The following NRG3 variants were observed in gnomAD, a reference collection of about 807,000 sequenced individuals.
NRG3 encodes pro-neuregulin-3, membrane-bound isoform.
A neutral mutation model predicts 66.9 loss-of-function variants in NRG3; 31 were observed. The observed-to-expected ratio is 0.46, with a 90% confidence interval of 0.35 to 0.63. The LOEUF (loss-of-function observed/expected upper bound fraction) is 0.63, where lower values mean the gene tolerates loss of function less well. NRG3 is among the 20% of genes least tolerant of loss of function. The pLI, the probability that NRG3 is intolerant of heterozygous loss-of-function variation, is 0.00. For synonymous variants in NRG3, 393 were observed against 359.4 expected (o/e 1.09, Z -1.06); for missense variants, 910 against 878.9 (o/e 1.04, Z -0.45).
intron 2 of NRG3, among the ~76,000 whole-genome samples, chr10:82,454,509 A>G (rs2091181857): frequency 6.6e-6 from 1 of 152,244 alleles, no homozygotes; most frequent in Non-Finnish European, 1.5e-5. Flanking sequence ...CAAAACAAAA[A>G]GCCCGAAGTG....
At chr10:82,819,918 G>T (rs1277109131) in intron 3 of NRG3, among the ~76,000 whole-genome samples, 1 of 152,170 alleles carries the variant, frequency 6.6e-6, no homozygotes, top group Non-Finnish European at 1.5e-5. Context: ...TGGATGTGAA[G>T]CAGAACTTGC....
intron 1 of NRG3, among the ~76,000 whole-genome samples, chr10:81,916,443 A>T (rs570817270): frequency 2.6e-5 from 4 of 152,300 alleles, no homozygotes; most frequent in African/African-American, 9.6e-5. Flanking sequence ...GCTGAGTATG[A>T]GTTTTCATGA....
chr10:82,413,358 T>C (rs562135730), intron 2 of NRG3, among the ~76,000 whole-genome samples: 1 of 152,272 alleles, frequency 6.6e-6, no homozygotes, highest in East Asian at 1.9e-4. Flanking sequence ...AAAAAGAATC[T>C]TTCTTTGTGT....
chr10:82,334,379 A>T (rs1176824548), intron 1 of NRG3, among the ~76,000 whole-genome samples: 1 of 152,176 alleles, frequency 6.6e-6, no homozygotes, highest in Non-Finnish European at 1.5e-5. Flanking sequence ...GGAAACATGT[A>T]AACTGGCATT....
chr10:82,135,149 A>C (rs938171370), intron 1 of NRG3, among the ~76,000 whole-genome samples: 3 of 151,992 alleles, frequency 2.0e-5, no homozygotes, highest in South Asian at 2.1e-4. Context: ...TTCCATATGA[A>C]ATTAAAAATT....
intron 1 of NRG3, among the ~76,000 whole-genome samples, chr10:82,136,001 T>C (rs1047844929): frequency 3.9e-5 from 6 of 152,152 alleles, no homozygotes; most frequent in Admixed American, 3.3e-4. Flanking sequence ...TTTCATGTAT[T>C]CAAATGGAAT....
chr10:82,146,918 A>G (rs548676487), intron 1 of NRG3, among the ~76,000 whole-genome samples: 1 of 152,234 alleles, frequency 6.6e-6, no homozygotes, highest in South Asian at 2.1e-4. Flanking sequence ...AAGTGAGTAG[A>G]CTGTCTGGGT....
chr10:82,293,724 G>A (rs545660118), intron 1 of NRG3, among the ~76,000 whole-genome samples: 1 of 152,096 alleles, frequency 6.6e-6, no homozygotes, highest in South Asian at 2.1e-4. Context: ...TGAGTCTTTA[G>A]AAGCTGCCTT....
At chr10:82,746,951 T>C (rs2058671557) in intron 3 of NRG3, among the ~76,000 whole-genome samples, 1 of 152,150 alleles carries the variant, frequency 6.6e-6, no homozygotes, top group African/African-American at 2.4e-5. Flanking sequence ...GGCATGGCGG[T>C]ATGCACCTGT....
chr10:82,664,316 C>T (rs906568332), intron 2 of NRG3, among the ~76,000 whole-genome samples: 2 of 152,090 alleles, frequency 1.3e-5, no homozygotes, highest in African/African-American at 4.8e-5. Flanking sequence ...CTCTTTAGTA[C>T]TAGCTGATTA....
intron 4 of NRG3, among the ~76,000 whole-genome samples, chr10:82,946,337 G>A (rs1050731819): frequency 6.6e-6 from 1 of 151,734 alleles, no homozygotes; most frequent in Admixed American, 6.6e-5. Context: ...TCAAGAGATC[G>A]AGACTAGCCT....
chr10:82,981,691 T>C (rs757177957), intron 8 of NRG3, among the ~76,000 whole-genome samples: 75 of 152,134 alleles, frequency 4.9e-4, no homozygotes, highest in Non-Finnish European at 9.0e-4. Flanking sequence ...TATTGTAGCC[T>C]GGGGAAGGAG....
At chr10:81,884,566 A>G (rs1842453135) in intron 1 of NRG3, among the ~76,000 whole-genome samples, 2 of 152,232 alleles carry the variant, frequency 1.3e-5, no homozygotes, top group African/African-American at 4.8e-5. Flanking sequence ...AATTAAAAAT[A>G]CAAATAAGAA....
chr10:81,893,447 T>G (rs1387087501), intron 1 of NRG3, among the ~76,000 whole-genome samples: 2 of 142,860 alleles, frequency 1.4e-5, no homozygotes, highest in African/African-American at 2.8e-5. Flanking sequence ...GGAATGGACT[T>G]TTTTTTTGCT....
intron 2 of NRG3, among the ~76,000 whole-genome samples, chr10:82,595,332 G>A (rs923730647): frequency 6.6e-6 from 1 of 152,150 alleles, no homozygotes; most frequent in East Asian, 1.9e-4. Flanking sequence ...ACTACGACAT[G>A]TTTATTAACC....
chr10:82,209,002 G>T (rs1211028933), intron 1 of NRG3, among the ~76,000 whole-genome samples: 1 of 152,062 alleles, frequency 6.6e-6, no homozygotes, highest in African/African-American at 2.4e-5. Context: ...GAGAGCTTGA[G>T]AGAAGATAGG....
intron 2 of NRG3, among the ~76,000 whole-genome samples, chr10:82,538,896 G>T (rs1276853554): frequency 5.3e-5 from 8 of 152,126 alleles, no homozygotes; most frequent in East Asian, 1.9e-4. Context: ...TTGAAGTTTG[G>T]AGGGCAGCAG....
At chr10:82,953,385 C>G (rs1849716495) in intron 5 of NRG3, among the ~76,000 whole-genome samples, 1 of 151,996 alleles carries the variant, frequency 6.6e-6, no homozygotes, top group South Asian at 2.1e-4. Context: ...CTCTAAACCT[C>G]TATACCATAC....
At chr10:82,248,995 A>C (rs1216723761) in intron 1 of NRG3, among the ~76,000 whole-genome samples, 1 of 152,052 alleles carries the variant, frequency 6.6e-6, no homozygotes, top group Non-Finnish European at 1.5e-5. Flanking sequence ...CCTCCATTAA[A>C]ATCCTACCTG....
Sources: gnomAD v4.1 joint callset for allele counts (sites outside exome capture counted in the v4.1 genomes callset) on GRCh38, gnomAD v4.1.1 for gene constraint, MANE v1.5 for transcripts, NCBI Gene and HGNC (gene_info 2026-07-23, HGNC 2026-07-21) for gene names.